RORA: variants seen among roughly 807,000 people sequenced by gnomAD.
RORA encodes the protein nuclear receptor ROR-alpha.
RORA carries 7 observed loss-of-function variants against 69.5 expected under a neutral mutation model. That is an observed-to-expected ratio of 0.10 (90% confidence interval 0.06 to 0.19). The LOEUF (loss-of-function observed/expected upper bound fraction) is 0.19. Among genes scored for constraint, RORA ranks in the 10% least tolerant of loss-of-function variants. The probability of loss-of-function intolerance (pLI) is 1.00; values close to 1 mark genes in which losing one functional copy is unlikely to be tolerated. For missense variants in RORA, 457 were observed against 663.0 expected (o/e 0.69, Z 3.41); for synonymous variants, 261 against 240.8 (o/e 1.08, Z -0.78).
intron 1 of RORA, among the ~76,000 whole-genome samples, chr15:61,178,487 A>G (rs2079651891): frequency 6.6e-6 from 1 of 152,134 alleles, no homozygotes; most frequent in Non-Finnish European, 1.5e-5. Flanking sequence ...ATATGGATAA[A>G]TATATCAATT....
rs144166934 is a variant in RORA at position 60,579,494 on chromosome 15, C to T, written c.197-47643G>A. On this transcript the variant is annotated intron_variant, in intron 2 of 10. Coordinates refer to ENST00000335670, the MANE Select transcript of RORA (RefSeq NM_134261.3). ...AAAAAATTCCATTGTGGTAGTTCAA[C>T]ATAAACTGTGTGTATAGAACAAAGA... Among the ~76,000 whole-genome samples the T allele has an allele frequency of 4.1e-3, 629 of 152,014 alleles. 2 individuals are homozygous for T. Among genetic ancestry groups the T allele is most frequent in the African/African-American group, 0.014 (582 of 41,498 alleles).
At chr15:60,829,613 A>G (rs2073013928) in intron 1 of RORA, among the ~76,000 whole-genome samples, 1 of 152,190 alleles carries the variant, frequency 6.6e-6, no homozygotes, top group Non-Finnish European at 1.5e-5. Context: ...CAGCACATGG[A>G]AAGAGTTTGT....
At chr15:61,148,332 T>G (rs1239047503) in intron 1 of RORA, among the ~76,000 whole-genome samples, 1 of 152,162 alleles carries the variant, frequency 6.6e-6, no homozygotes, top group Non-Finnish European at 1.5e-5. Flanking sequence ...GGCATTCAGG[T>G]GCCTAAGGTA....
chr15:60,925,312 C>A (rs1892181299), intron 1 of RORA, among the ~76,000 whole-genome samples: 1 of 152,088 alleles, frequency 6.6e-6, no homozygotes, highest in African/African-American at 2.4e-5. Flanking sequence ...GACTATCTAT[C>A]TTCTCTAAAT....
At chr15:60,989,185 T>A (rs1200127339) in intron 1 of RORA, among the ~76,000 whole-genome samples, 1 of 152,182 alleles carries the variant, frequency 6.6e-6, no homozygotes, top group Non-Finnish European at 1.5e-5. Context: ...TCATCGCCCC[T>A]GAAAAACAAC....
At chr15:60,838,871 CACACACACACACACACAT>C (rs2140400605) in intron 1 of RORA, among the ~76,000 whole-genome samples, 1 of 82,388 alleles carries the variant, frequency 1.2e-5, no homozygotes, top group South Asian at 5.3e-4. Context: ...CACACACACA[CACACACACACACACACAT>C]ATACTTTTTT....
intron 1 of RORA, among the ~76,000 whole-genome samples, chr15:60,708,578 G>T (rs2071100508): frequency 6.6e-6 from 1 of 152,198 alleles, no homozygotes; most frequent in South Asian, 2.1e-4. Flanking sequence ...ATTGAATAAA[G>T]GGCTATGAAG....
chr15:61,096,638 AGAGCTGGATCT>A (rs1378078270), intron 1 of RORA, among the ~76,000 whole-genome samples: 5 of 152,186 alleles, frequency 3.3e-5, no homozygotes, highest in African/African-American at 1.2e-4. Flanking sequence ...GGATGAGACA[AGAGCTGGATCT>A]TCCTTGCACA....
At chr15:60,944,027 A>T (rs1387575911) in intron 1 of RORA, among the ~76,000 whole-genome samples, 1 of 151,968 alleles carries the variant, frequency 6.6e-6, no homozygotes, top group East Asian at 1.9e-4. Flanking sequence ...CATAAAATGG[A>T]GGCCTTTTGC....
At chr15:60,947,999 T>G (rs980690254) in intron 1 of RORA, among the ~76,000 whole-genome samples, 2 of 152,130 alleles carry the variant, frequency 1.3e-5, no homozygotes, top group African/African-American at 4.8e-5. Context: ...GATGATGCCT[T>G]GATGATTTCC....
chr15:60,898,240 A>G (rs1392600424), intron 1 of RORA, among the ~76,000 whole-genome samples: 4 of 152,172 alleles, frequency 2.6e-5, no homozygotes, highest in Non-Finnish European at 5.9e-5. Context: ...TGATGACTCC[A>G]AAGAATGTGT....
chr15:61,211,395 G>A (rs772545242), intron 1 of RORA, among the ~76,000 whole-genome samples: 3 of 151,928 alleles, frequency 2.0e-5, no homozygotes, highest in Non-Finnish European at 4.4e-5. Context: ...AACTCCAGCC[G>A]GAGCTCAGCT....
chr15:60,947,064 G>T (rs553026053), intron 1 of RORA, among the ~76,000 whole-genome samples: 65 of 87,072 alleles, frequency 7.5e-4, no homozygotes, highest in Admixed American at 2.3e-3. Flanking sequence ...GGAGGGAGGT[G>T]GGGGGCCAGC....
intron 1 of RORA, among the ~76,000 whole-genome samples, chr15:60,702,310 C>T (rs961395500): frequency 2.0e-5 from 3 of 152,206 alleles, no homozygotes; most frequent in Admixed American, 1.3e-4. Context: ...TCTGCAACCT[C>T]AACCTCTGCC....
chr15:60,945,121 TG>T (rs1380291133), intron 1 of RORA, among the ~76,000 whole-genome samples: 1 of 152,202 alleles, frequency 6.6e-6, no homozygotes, highest in Non-Finnish European at 1.5e-5. Flanking sequence ...TCCAGCAATA[TG>T]GGGCTGGACC....
intron 1 of RORA, among the ~76,000 whole-genome samples, chr15:60,837,296 T>G (rs890370839): frequency 8.1e-4 from 123 of 152,282 alleles, no homozygotes; most frequent in African/African-American, 2.8e-3. Flanking sequence ...TATATCAAAT[T>G]AGAAAAAGCA....
At chr15:60,755,829 C>G (rs1278884628) in intron 1 of RORA, among the ~76,000 whole-genome samples, 2 of 152,202 alleles carry the variant, frequency 1.3e-5, no homozygotes, top group African/African-American at 2.4e-5. Flanking sequence ...GCAGCAGTTT[C>G]TCTCCTCCAT....
intron 1 of RORA, among the ~76,000 whole-genome samples, chr15:61,113,264 G>C (rs1193419966): frequency 6.6e-6 from 1 of 152,230 alleles, no homozygotes; most frequent in African/African-American, 2.4e-5. Context: ...AGTGAGAAGT[G>C]ATTTGTAAAG....
intron 1 of RORA, among the ~76,000 whole-genome samples, chr15:60,738,353 C>T (rs1203012276): frequency 1.3e-5 from 2 of 151,584 alleles, no homozygotes; most frequent in Non-Finnish European, 2.9e-5. Flanking sequence ...GACTATTACA[C>T]TTTTATCTTT....
Sources: gnomAD v4.1 joint callset for allele counts (sites outside exome capture counted in the v4.1 genomes callset) on GRCh38, gnomAD v4.1.1 for gene constraint, MANE v1.5 for transcripts, NCBI Gene and HGNC (gene_info 2026-07-23, HGNC 2026-07-21) for gene names.